The following SORCS1 variants were observed in gnomAD, a reference collection of about 807,000 sequenced individuals.
SORCS1 encodes VPS10 domain-containing receptor SorCS1.
SORCS1 carries 60 observed loss-of-function variants against 146.1 expected under a neutral mutation model. The observed-to-expected ratio is 0.41, with a 90% confidence interval of 0.33 to 0.51. The LOEUF is 0.51. Ranked by LOEUF, SORCS1 falls within the 20% of genes least tolerant of loss-of-function variation. The pLI is 0.21. For missense variants in SORCS1, 1,352 were observed against 1,487.6 expected (o/e 0.91, Z 1.50); for synonymous variants, 637 against 584.0 (o/e 1.09, Z -1.31).
At chr10:106,691,231 A>G (rs915631500) in intron 9 of SORCS1, among the ~76,000 whole-genome samples, 2 of 152,184 alleles carry the variant, frequency 1.3e-5, no homozygotes, top group African/African-American at 4.8e-5. Flanking sequence ...AATATTTCCT[A>G]CGGAAGCCAT....
chr10:106,853,993 C>A (rs1949689440), intron 2 of SORCS1, among the ~76,000 whole-genome samples: 1 of 151,624 alleles, frequency 6.6e-6, no homozygotes, highest in Admixed American at 6.6e-5. Context: ...TTGTTGAGTT[C>A]AAATATGTCC....
At chr10:107,150,754 G>A (rs1317475110) in intron 1 of SORCS1, among the ~76,000 whole-genome samples, 4 of 152,168 alleles carry the variant, frequency 2.6e-5, no homozygotes, top group Non-Finnish European at 5.9e-5. Context: ...GAGTTCTCAC[G>A]AGAACTGATG....
At chr10:106,581,755 C>G (rs1844930544) in intron 24 of SORCS1, among the ~76,000 whole-genome samples, 1 of 152,094 alleles carries the variant, frequency 6.6e-6, no homozygotes, top group South Asian at 2.1e-4. Flanking sequence ...ATTTAACCAC[C>G]TATAACTCTA....
At chr10:106,587,031 G>A (rs1845282873) in intron 24 of SORCS1, among the ~76,000 whole-genome samples, 1 of 152,034 alleles carries the variant, frequency 6.6e-6, no homozygotes, top group Non-Finnish European at 1.5e-5. Context: ...CATATTGCGG[G>A]GAGGGATATA....
At chr10:106,589,239 T>C (rs1296457680) in intron 24 of SORCS1, among the ~76,000 whole-genome samples, 1 of 152,214 alleles carries the variant, frequency 6.6e-6, no homozygotes, top group Non-Finnish European at 1.5e-5. Flanking sequence ...GGTATCCATC[T>C]AGTTAGGCTT....
At chr10:106,798,885 A>G (rs1946727528) in intron 3 of SORCS1, among the ~76,000 whole-genome samples, 1 of 152,226 alleles carries the variant, frequency 6.6e-6, no homozygotes, top group Non-Finnish European at 1.5e-5. Flanking sequence ...ACTACTTTGA[A>G]GTTCATATGG....
At chr10:106,923,314 C>CT (rs1412332232) in intron 2 of SORCS1, among the ~76,000 whole-genome samples, 1 of 152,186 alleles carries the variant, frequency 6.6e-6, no homozygotes, top group Admixed American at 6.5e-5. Flanking sequence ...TAATTTTCCT[C>CT]TATGTCTTTT....
intron 18 of SORCS1, among the ~76,000 whole-genome samples, chr10:106,639,254 T>G (rs1259538135): frequency 6.6e-6 from 1 of 152,160 alleles, no homozygotes; most frequent in Admixed American, 6.6e-5. Context: ...TGACCACCCA[T>G]GTGGATGAAG....
chr10:106,962,970 A>G (rs1178283454), intron 1 of SORCS1, among the ~76,000 whole-genome samples: 2 of 152,222 alleles, frequency 1.3e-5, no homozygotes, highest in Non-Finnish European at 2.9e-5. Flanking sequence ...CTGGAGACCA[A>G]TTGTTTAGAC....
chr10:106,849,350 T>C (rs1364890642), intron 2 of SORCS1, among the ~76,000 whole-genome samples: 1 of 150,148 alleles, frequency 6.7e-6, no homozygotes, highest in Non-Finnish European at 1.5e-5. Context: ...CTTCCATTGC[T>C]GATACCCTTT....
intron 2 of SORCS1, among the ~76,000 whole-genome samples, chr10:106,851,790 A>T (rs1031819886): frequency 6.6e-6 from 1 of 152,238 alleles, no homozygotes. Flanking sequence ...TCAAGTTGAG[A>T]AGAACTGACA....
At chr10:107,030,476 A>G (rs1190366362) in intron 1 of SORCS1, among the ~76,000 whole-genome samples, 3 of 152,196 alleles carry the variant, frequency 2.0e-5, no homozygotes, top group African/African-American at 4.8e-5. Context: ...TCAGTTCTCC[A>G]CACCCATAGC....
chr10:106,669,835 G>A (rs557993199), intron 16 of SORCS1, among the ~76,000 whole-genome samples: 26 of 152,270 alleles, frequency 1.7e-4, no homozygotes, highest in African/African-American at 6.0e-4. Flanking sequence ...CTGGTCTGAC[G>A]GCTGGCTGCC....
chr10:107,178,411 T>A, the SORCS1 span, among the ~76,000 whole-genome samples: 3 of 152,170 alleles, frequency 2.0e-5, no homozygotes, highest in South Asian at 2.1e-4. Context: ...CCTGGCTTAT[T>A]TCACTTAACG....
chr10:106,590,746 C>T (rs1012438533), intron 24 of SORCS1, among the ~76,000 whole-genome samples: 36 of 152,178 alleles, frequency 2.4e-4, no homozygotes, highest in Non-Finnish European at 3.8e-4. Context: ...CCTCTGCCTT[C>T]TGGGTTAAAG....
chr10:106,693,732 CT>C (rs1257687028), intron 9 of SORCS1, among the ~76,000 whole-genome samples: 1 of 152,088 alleles, frequency 6.6e-6, no homozygotes, highest in African/African-American at 2.4e-5. Context: ...TGGTTCTGTC[CT>C]GTTCTTATGG....
intron 1 of SORCS1, among the ~76,000 whole-genome samples, chr10:107,117,312 G>T (rs549369383): frequency 5.3e-4 from 80 of 152,268 alleles, no homozygotes; most frequent in Non-Finnish European, 1.0e-3. Context: ...GACCAGAGAG[G>T]TATATATCTG....
intron 5 of SORCS1, among the ~76,000 whole-genome samples, chr10:106,758,898 A>G (rs1461440499): frequency 6.6e-6 from 1 of 152,200 alleles, no homozygotes; most frequent in Non-Finnish European, 1.5e-5. Flanking sequence ...CTTCTGTGCA[A>G]CAAAAACCTC....
At chr10:106,799,514 G>T (rs1402058125) in intron 3 of SORCS1, among the ~76,000 whole-genome samples, 2 of 152,074 alleles carry the variant, frequency 1.3e-5, no homozygotes, top group Admixed American at 6.6e-5. Flanking sequence ...AATCTACAAA[G>T]AACTCAAACA....
Sources: gnomAD v4.1 joint callset for allele counts (sites outside exome capture counted in the v4.1 genomes callset) on GRCh38, gnomAD v4.1.1 for gene constraint, MANE v1.5 for transcripts, NCBI Gene and HGNC (gene_info 2026-07-23, HGNC 2026-07-21) for gene names.